Variants in SCUBE1 observed in about 807,000 individuals in gnomAD.
SCUBE1 encodes the protein signal peptide, CUB domain and EGF like domain containing 1.
Under a neutral mutation model 124.4 loss-of-function variants are expected in SCUBE1, and 59 were observed. That is an observed-to-expected ratio of 0.47 (90% CI 0.38 to 0.59). The LOEUF is 0.59. SCUBE1 is among the 20% of genes least tolerant of loss of function. The pLI, the probability that SCUBE1 is intolerant of heterozygous loss-of-function variation, is 0.00. For missense variants in SCUBE1, 1,150 were observed against 1,371.2 expected (o/e 0.84, Z 2.55); for synonymous variants, 545 against 550.9 (o/e 0.99, Z 0.15).
At chr22:43,227,618 G>T in intron 9 of SCUBE1, 122 bp from the exon 10 acceptor site, 1 of 1,292,542 alleles carries the variant, frequency 7.7e-7, no homozygotes. Flanking sequence ...ACAGCATCAC[G>T]GGATGCAGAT....
rs566004576 is a variant in SCUBE1, at chr22:43,252,758, A to C, written c.727+5461T>G. ...TCTGGGCTGCTCTCCCCACATAGGGACTGGCTCTGAATGTGATGCCCTGGT... is the reference window on the plus strand; with the variant it reads ...TCTGGGCTGCTCTCCCCACATAGGGCCTGGCTCTGAATGTGATGCCCTGGT... On this transcript the variant is annotated intron_variant, in intron 6 of 21. Transcript: ENST00000360835. Among the ~76,000 whole-genome samples the C allele has an allele frequency of 8.9e-4, 135 of 152,278 alleles. 1 individual carries two copies. The highest frequency in any genetic ancestry group is 1.7e-3 in the Non-Finnish European group (115 of 68,018).
chr22:43,303,768 T>A (rs2269668), intron 3 of SCUBE1, among the ~76,000 whole-genome samples: 38 of 152,222 alleles, frequency 2.5e-4, no homozygotes, highest in Middle Eastern at 3.4e-3. Context: ...TAAGGAATTC[T>A]GAGAAACAGT....
chr22:43,220,646 C>G (rs1433368892), intron 13 of SCUBE1, 59 bp from the exon 14 acceptor site: 2 of 1,586,430 alleles, frequency 1.3e-6, no homozygotes, highest in Non-Finnish European at 1.7e-6. Context: ...CAAGGTCCTA[C>G]CAAGCCCTGC....
At chr22:43,242,337 C>T (rs1923038046) in intron 6 of SCUBE1, among the ~76,000 whole-genome samples, 1 of 152,234 alleles carries the variant, frequency 6.6e-6, no homozygotes, top group Admixed American at 6.5e-5. Flanking sequence ...TCCTCAGGAC[C>T]AGAGGCCACC....
intron 6 of SCUBE1, among the ~76,000 whole-genome samples, chr22:43,250,494 A>G (rs1239111965): frequency 1.3e-5 from 2 of 152,214 alleles, no homozygotes; most frequent in African/African-American, 4.8e-5. Context: ...AGCATCGCCA[A>G]GCACTCACTC....
chr22:43,305,414 G>A (rs1925930605), intron 3 of SCUBE1, among the ~76,000 whole-genome samples: 1 of 152,218 alleles, frequency 6.6e-6, no homozygotes, highest in Admixed American at 6.5e-5. Context: ...GGGCAAGGGA[G>A]CAGAATGCAG....
intron 10 of SCUBE1, among the ~76,000 whole-genome samples, chr22:43,225,568 A>G (rs2146672636): frequency 6.6e-6 from 1 of 151,162 alleles, no homozygotes; most frequent in East Asian, 2.0e-4. Context: ...CAAGGTCAGG[A>G]GGTCGAGACC....
At chr22:43,226,276 G>A (rs1275336653) in intron 10 of SCUBE1, among the ~76,000 whole-genome samples, 3 of 152,176 alleles carry the variant, frequency 2.0e-5, no homozygotes, top group Non-Finnish European at 4.4e-5. Context: ...TACTTCTGGT[G>A]GCTGGGAGTG....
chr22:43,274,921 A>G (rs893998788), intron 4 of SCUBE1, among the ~76,000 whole-genome samples: 2 of 152,228 alleles, frequency 1.3e-5, no homozygotes, highest in Admixed American at 1.3e-4. Flanking sequence ...CTCGGGGCAC[A>G]GTAGGTACGT....
chr22:43,283,311 G>T (rs1204163522), intron 4 of SCUBE1: 2 of 152,216 alleles, frequency 1.3e-5, no homozygotes, highest in East Asian at 3.8e-4. Context: ...CTGGGTTCCA[G>T]TCCTGCCACT....
In SCUBE1 at chr22:43,257,933, C is replaced by T. The variant is rs139502833; in HGVS notation, c.727+286G>A. ...CCACCCCTCACTTCCAGGACGAGGA[C>T]GTGCAGAATCCCTGCTGCTAGGGAG... is the stretch of plus-strand genomic sequence containing the variant. On this transcript the variant is annotated intron_variant, in intron 6 of 21. Coordinates refer to ENST00000360835, the MANE Select transcript of SCUBE1 (RefSeq NM_173050.5). Among the ~76,000 whole-genome samples the T allele has an allele frequency of 5.7e-3, 865 of 152,312 alleles. 11 individuals carry two copies. The highest frequency in any genetic ancestry group is 0.02 in the African/African-American group (829 of 41,576).
intron 3 of SCUBE1, among the ~76,000 whole-genome samples, chr22:43,306,578 A>C (rs1224948057): frequency 6.6e-6 from 1 of 152,170 alleles, no homozygotes; most frequent in African/African-American, 2.4e-5. Context: ...AGGTGGCCTC[A>C]TACAGGGATG....
intron 4 of SCUBE1, among the ~76,000 whole-genome samples, chr22:43,288,055 G>A (rs1264622618): frequency 2.6e-5 from 4 of 152,182 alleles, no homozygotes; most frequent in Admixed American, 2.0e-4. Context: ...AATCTGATAA[G>A]TTATCTGTTG....
At position 43,198,840 on chromosome 22, in the gene SCUBE1, C is replaced by A; in HGVS notation, c.*5157G>T. On this transcript the variant is annotated 3_prime_UTR_variant, in exon 22 of 22. Transcript: ENST00000360835. Reference sequence around the variant, plus strand: ...CTGGGGCAGGGTGTCTGTCTATCTGCTGTCTGGGGAAGTGTGTCTGTCTGT... The same window carrying A: ...CTGGGGCAGGGTGTCTGTCTATCTGATGTCTGGGGAAGTGTGTCTGTCTGT... 1 of 409,690 alleles carries A rather than the reference C, an allele frequency of 2.4e-6. No individual in the cohort carries two copies. Among genetic ancestry groups the A allele is most frequent in the South Asian group, 1.8e-5 (1 of 55,502 alleles). 25.4% of individuals were successfully genotyped at this position (409,690 alleles called of 1,614,324 possible).
rs765279194 is a variant in SCUBE1 at position 43,222,690 on chromosome 22, C to T, written c.1380G>A (p.Lys460=). 6.2e-6 allele frequency: 10 copies of T among 1,606,820 alleles called. No homozygotes were observed. The highest frequency in any genetic ancestry group is 4.5e-5 in the East Asian group (2 of 44,664). ...TGGTGCCGTTGCGTTTCTGCAGCGC[C>T]TTGCCCTGCGGCCCTGGAACTCCGC... ...LSCGVPGPQG[K]ALQKRNGTSS... The change falls in exon 12 of 22, where the codon AAG becomes AAA. Residue 460 remains lysine, a synonymous_variant. Coordinates refer to ENST00000360835, the MANE Select transcript of SCUBE1 (RefSeq NM_173050.5).
rs561264514 is a variant in SCUBE1 at position 43,251,144 on chromosome 22, G to T, written c.727+7075C>A. On this transcript the variant is annotated intron_variant, in intron 6 of 21. Coordinates refer to ENST00000360835, the MANE Select transcript of SCUBE1 (RefSeq NM_173050.5). The stretch of plus-strand genomic sequence containing the variant: ...GGTGAGGCGAGAGAGCCGGGGCAGA[G>T]GGAATGGGCTGAAGATACACCCCCA... Among the ~76,000 whole-genome samples, 4 of 152,336 alleles carry T rather than the reference G, an allele frequency of 2.6e-5. No individual in the cohort carries two copies. The East Asian group carries it at 7.7e-4, about 29-fold the overall frequency.
chr22:43,252,236 C>A (rs1388904924), intron 6 of SCUBE1, among the ~76,000 whole-genome samples: 1 of 152,246 alleles, frequency 6.6e-6, no homozygotes, highest in Middle Eastern at 3.2e-3. Flanking sequence ...TCTCTCCGGC[C>A]ACATTCTAGA....
intron 3 of SCUBE1, among the ~76,000 whole-genome samples, chr22:43,294,381 G>C (rs892470116): frequency 1.3e-5 from 2 of 152,062 alleles, no homozygotes; most frequent in Non-Finnish European, 2.9e-5. Flanking sequence ...GCAGCAGCTG[G>C]GTCTGTGAGA....
chr22:43,266,541 TTGTC>T lies in SCUBE1; in HGVS notation c.485-3700_485-3697del, dbSNP rs749022709. ...GTTGGACCCCTCCCTGCAGCGCATC[TTGTC>T]TGTCTATCTTATAGAGACAGAAAAT... On this transcript the variant is annotated intron_variant, in intron 4 of 21. Coordinates refer to ENST00000360835, the MANE Select transcript of SCUBE1 (RefSeq NM_173050.5). Among the ~76,000 whole-genome samples, 46 of 152,272 alleles carry T rather than the reference TTGTC, an allele frequency of 3.0e-4. 1 individual carries two copies. Among genetic ancestry groups the T allele is most frequent in the Non-Finnish European group, 4.0e-4 (27 of 68,010 alleles).
Sources: allele counts gnomAD v4.1 joint callset (sites outside exome capture counted in the v4.1 genomes callset), GRCh38; gene constraint gnomAD v4.1.1; transcripts MANE v1.5; gene names NCBI Gene and HGNC (gene_info 2026-07-23, HGNC 2026-07-21).